Variants in TPRG1 observed in about 807,000 individuals in gnomAD.
TPRG1 encodes tumor protein p63 regulated 1.
In TPRG1, 29 loss-of-function variants were observed where a neutral mutation model predicts 29.3. That is an observed-to-expected ratio of 0.99 (90% CI 0.74 to 1.35). The LOEUF is 1.35. TPRG1 is among the 40% of genes most tolerant of loss of function. The pLI, the probability that TPRG1 is intolerant of heterozygous loss-of-function variation, is 0.00. For missense variants in TPRG1, 327 were observed against 335.0 expected (o/e 0.98, Z 0.19); for synonymous variants, 130 against 116.8 (o/e 1.11, Z -0.73).
intron 4 of TPRG1, among the ~76,000 whole-genome samples, chr3:189,297,761 G>A (rs1720197484): frequency 6.6e-6 from 1 of 152,126 alleles, no homozygotes; most frequent in African/African-American, 2.4e-5. Context: ...GTCCTTCAAA[G>A]AGCATATCGT....
intron 1 of TPRG1, chr3:189,190,885 A>G: frequency 1.2e-6 from 1 of 829,242 alleles, no homozygotes; most frequent in Non-Finnish European, 1.5e-6. Context: ...TGATTGAGTC[A>G]TACATTTACA....
intron 1 of TPRG1, among the ~76,000 whole-genome samples, chr3:189,185,750 C>T (rs911684810): frequency 6.6e-6 from 1 of 152,102 alleles, no homozygotes; most frequent in Admixed American, 6.5e-5. Flanking sequence ...TCTTTTAAAC[C>T]TTCTCCTTCC....
At chr3:189,151,403 A>T (rs1340585615) in intron 5 of TPRG1, among the ~76,000 whole-genome samples, 1 of 152,164 alleles carries the variant, frequency 6.6e-6, no homozygotes, top group Non-Finnish European at 1.5e-5. Context: ...TTTTGGAGAC[A>T]CAAATTTGAC....
chr3:189,270,962 C>T (rs1413355378), intron 4 of TPRG1, among the ~76,000 whole-genome samples: 1 of 152,094 alleles, frequency 6.6e-6, no homozygotes, highest in African/African-American at 2.4e-5. Flanking sequence ...GCTCATGATA[C>T]GTTAGCATCC....
intron 3 of TPRG1, among the ~76,000 whole-genome samples, chr3:189,011,726 G>C (rs950914494): frequency 1.3e-5 from 2 of 152,110 alleles, no homozygotes; most frequent in Non-Finnish European, 2.9e-5. Context: ...GATGAGATTT[G>C]GGTGGGACAA....
At chr3:189,258,945 C>T (rs894211383) in intron 4 of TPRG1, among the ~76,000 whole-genome samples, 4 of 152,282 alleles carry the variant, frequency 2.6e-5, no homozygotes, top group Non-Finnish European at 2.9e-5. Context: ...GGGCTCCATG[C>T]GGGTGGGATC....
intron 2 of TPRG1, among the ~76,000 whole-genome samples, chr3:189,214,597 AG>A (rs1735753881): frequency 2.6e-5 from 4 of 152,176 alleles, no homozygotes. Context: ...GCAGCACCCA[AG>A]AACTTGTTAG....
intron 3 of TPRG1, among the ~76,000 whole-genome samples, chr3:189,141,879 C>T (rs1028056008): frequency 1.3e-5 from 2 of 152,084 alleles, no homozygotes; most frequent in African/African-American, 2.4e-5. Context: ...TTAGATGGGG[C>T]CCTGACTGGA....
At chr3:189,225,616 G>A (rs1257274051) in intron 3 of TPRG1, among the ~76,000 whole-genome samples, 3 of 151,942 alleles carry the variant, frequency 2.0e-5, no homozygotes, top group South Asian at 2.1e-4. Flanking sequence ...TTATACAAAC[G>A]ACTTTTATAG....
intron 3 of TPRG1, among the ~76,000 whole-genome samples, chr3:189,014,354 G>A (rs940059657): frequency 8.5e-5 from 13 of 152,102 alleles, no homozygotes; most frequent in Non-Finnish European, 1.5e-4. Flanking sequence ...CTTCTGGCTT[G>A]TAGGGTTTCC....
intron 3 of TPRG1, among the ~76,000 whole-genome samples, chr3:189,136,732 A>G (rs1316843548): frequency 6.6e-6 from 1 of 152,176 alleles, no homozygotes; most frequent in East Asian, 1.9e-4. Context: ...ATATTTGCCA[A>G]AGTATCTTCC....
intron 1 of TPRG1, among the ~76,000 whole-genome samples, chr3:189,177,439 CAT>C (rs1162447523): frequency 1.8e-4 from 27 of 150,404 alleles, no homozygotes; most frequent in African/African-American, 5.4e-4. Context: ...TATATGTATA[CAT>C]ATATATGTCT....
At chr3:189,130,851 G>C (rs1324262879) in intron 2 of TPRG1, among the ~76,000 whole-genome samples, 1 of 152,194 alleles carries the variant, frequency 6.6e-6, no homozygotes, top group African/African-American at 2.4e-5. Context: ...CATAACCTGA[G>C]TTTGAGATGC....
In TPRG1 at chr3:189,064,431, GA is replaced by G. The variant is rs564663141; in HGVS notation, c.-463+40494del. Reference sequence around the variant, plus strand: ...TGGGTTAACGCTTTCCTGTACACAAGAAAAAAAAATTCAAATCAATAATCTA... The same window carrying G: ...TGGGTTAACGCTTTCCTGTACACAAGAAAAAAAATTCAAATCAATAATCTA... On this transcript the variant is annotated intron_variant, in intron 4 of 10. Coordinates refer to the TPRG1 transcript ENST00000433971. Among the ~76,000 whole-genome samples, 1,063 of 148,814 alleles carry G rather than the reference GA, an allele frequency of 7.1e-3. 38 individuals are homozygous for G. The highest frequency in any genetic ancestry group is 0.056 in the Admixed American group (844 of 14,994).
intron 4 of TPRG1, among the ~76,000 whole-genome samples, chr3:189,082,574 G>A (rs1434018788): frequency 6.6e-6 from 1 of 152,130 alleles, no homozygotes; most frequent in Admixed American, 6.6e-5. Context: ...CGGATGCCAA[G>A]TCCAAGTCAA....
At chr3:189,231,487 C>T (rs74474071) in intron 3 of TPRG1, among the ~76,000 whole-genome samples, 1,814 of 152,196 alleles carry the variant, frequency 0.012, 34 homozygotes, top group African/African-American at 0.04. Context: ...GAATCTTCAT[C>T]ATCGTCACCA....
At chr3:189,199,867 G>A (rs757324435) in intron 1 of TPRG1, among the ~76,000 whole-genome samples, 8 of 152,044 alleles carry the variant, frequency 5.3e-5, no homozygotes, top group Admixed American at 3.9e-4. Flanking sequence ...GCAACAGTGC[G>A]AGACTCCATC....
At chr3:189,131,406 A>G (rs968965473) in intron 2 of TPRG1, among the ~76,000 whole-genome samples, 6 of 152,222 alleles carry the variant, frequency 3.9e-5, no homozygotes, top group Non-Finnish European at 8.8e-5. Context: ...GTTGTCTAGA[A>G]AAAAGCTCAC....
intron 1 of TPRG1, among the ~76,000 whole-genome samples, chr3:189,181,433 C>G (rs1457471140): frequency 6.6e-6 from 1 of 152,140 alleles, no homozygotes; most frequent in African/African-American, 2.4e-5. Flanking sequence ...GAATGCTTTG[C>G]TGCTTAGAAA....
Sources: gnomAD v4.1 joint callset for allele counts (sites outside exome capture counted in the v4.1 genomes callset) on GRCh38, gnomAD v4.1.1 for gene constraint, MANE v1.5 for transcripts, NCBI Gene and HGNC (gene_info 2026-07-23, HGNC 2026-07-21) for gene names.